The following RPGRIP1 variants were observed in gnomAD, a reference collection of about 807,000 sequenced individuals.
RPGRIP1 encodes the protein X-linked retinitis pigmentosa GTPase regulator-interacting protein 1.
In RPGRIP1, 128 loss-of-function variants were observed where a neutral mutation model predicts 157.9. That is an observed-to-expected ratio of 0.81 (90% CI 0.70 to 0.94). RPGRIP1 has a LOEUF of 0.94. Among genes scored for constraint, RPGRIP1 ranks in the 40% least tolerant of loss-of-function variants. The pLI, the probability that RPGRIP1 is intolerant of heterozygous loss-of-function variation, is 0.00. For missense variants in RPGRIP1, 1,486 were observed against 1,545.8 expected (o/e 0.96, Z 0.65); for synonymous variants, 554 against 571.6 (o/e 0.97, Z 0.44).
At chr14:21,345,263 TGGTTTTGTG>T in intron 23 of RPGRIP1, 66 bp downstream of exon 23, 1 of 1,191,050 alleles carries the variant, frequency 8.4e-7, no homozygotes, top group Non-Finnish European at 1.2e-6. Flanking sequence ...AGTTTGAGTT[TGGTTTTGTG>T]CTGATGCTGA....
At position 21,321,409 on chromosome 14, in the gene RPGRIP1, G is replaced by A; in HGVS notation, c.1611+7G>A. 1 of 1,607,828 alleles carries A rather than the reference G, an allele frequency of 6.2e-7. No individual in the cohort carries two copies. The highest frequency in any genetic ancestry group is 8.5e-7 in the Non-Finnish European group (1 of 1,177,294). On this transcript the variant is annotated splice_region_variant and intron_variant, in intron 13 of 24. Transcript: ENST00000400017. ...AATCAACGTGTGTTATCAGGTGCAAGGAAAGATGGTACAGGAAGGGGATGG... is the reference window on the plus strand; with the variant it reads ...AATCAACGTGTGTTATCAGGTGCAAAGAAAGATGGTACAGGAAGGGGATGG...
intron 21 of RPGRIP1, among the ~76,000 whole-genome samples, chr14:21,340,067 A>G (rs1884831486): frequency 6.6e-6 from 1 of 152,226 alleles, no homozygotes; most frequent in African/African-American, 2.4e-5. Flanking sequence ...CGAGAAGGGA[A>G]GAGCTACCCA....
intron 21 of RPGRIP1, among the ~76,000 whole-genome samples, chr14:21,337,258 T>C (rs1463983285): frequency 6.6e-6 from 1 of 152,170 alleles, no homozygotes; most frequent in Non-Finnish European, 1.5e-5. Context: ...CTATTAGGCC[T>C]TGTCTCCTTA....
chr14:21,307,679 T>C, intron 6 of RPGRIP1, 52 bp from the exon 7 acceptor site: 2 of 1,172,188 alleles, frequency 1.7e-6, no homozygotes, highest in Non-Finnish European at 2.5e-6. Flanking sequence ...GGAGAAAATG[T>C]CTTTAATTCT....
In RPGRIP1 at chr14:21,324,978, C is replaced by T. The variant is rs1413131336; in HGVS notation, c.2123C>T (p.Ala708Val). 6.2e-7 allele frequency: 1 copy of T among 1,613,878 alleles called. No homozygotes were observed. The part of the protein sequence containing the change: ...SARLDIHQAM[A>V]SEHSTLAAGW... ...CGGCTTGACATACACCAGGCCATGG[C>T]CAGTGAACACAGCACTCTTGCTGCA... The change falls in exon 15 of 25, where the codon GCC (alanine) becomes GTC (valine). Residue 708 changes from alanine (A) to valine (V), a missense_variant. Ala to Val is a moderately conservative substitution (Grantham distance 64). Coordinates refer to ENST00000400017, the MANE Select transcript of RPGRIP1 (RefSeq NM_020366.4).
intron 2 of RPGRIP1, among the ~76,000 whole-genome samples, chr14:21,292,306 G>C (rs1307226553): frequency 6.7e-6 from 1 of 148,524 alleles, no homozygotes; most frequent in Non-Finnish European, 1.5e-5. Flanking sequence ...CAGGTTCTTT[G>C]GTTGGGAAGT....
intron 10 of RPGRIP1, among the ~76,000 whole-genome samples, chr14:21,315,524 A>G (rs567425943): frequency 3.1e-4 from 35 of 113,224 alleles, no homozygotes; most frequent in African/African-American, 1.2e-3. Context: ...AAAAAAACAA[A>G]AAACTTAAAA....
rs114643757 is a variant in RPGRIP1, at chr14:21,283,838, C to G, written c.-39+3679C>G. Among the ~76,000 whole-genome samples, 614 of 150,842 alleles carry G rather than the reference C, an allele frequency of 4.1e-3. 3 individuals are homozygous for G. The highest frequency in any genetic ancestry group is 0.014 in the African/African-American group (596 of 41,156). Reference sequence around the variant, plus strand: ...TGCCCAGCTAACTTTTGTCATGTGGCTGGGCTAGTCTCGAACTCCTGGCCG... The same window carrying G: ...TGCCCAGCTAACTTTTGTCATGTGGGTGGGCTAGTCTCGAACTCCTGGCCG... On this transcript the variant is annotated intron_variant, in intron 1 of 24. Transcript: ENST00000400017.
intron 3 of RPGRIP1, 149 bp from the exon 4 acceptor site, chr14:21,300,817 G>T: frequency 1.1e-6 from 1 of 887,216 alleles, no homozygotes; most frequent in Non-Finnish European, 1.7e-6. Flanking sequence ...GTGTACTGGG[G>T]ACAGAAGGCT....
At chr14:21,286,689 G>T (rs528539152) in intron 1 of RPGRIP1, among the ~76,000 whole-genome samples, 1 of 152,048 alleles carries the variant, frequency 6.6e-6, no homozygotes, top group South Asian at 2.1e-4. Flanking sequence ...CAGCTACTTG[G>T]GAGGCTGAGG....
intron 21 of RPGRIP1, among the ~76,000 whole-genome samples, chr14:21,340,731 T>G (rs1345535861): frequency 6.6e-6 from 1 of 152,170 alleles, no homozygotes; most frequent in Non-Finnish European, 1.5e-5. Context: ...ACATTTTTTA[T>G]AGCAATCACT....
In RPGRIP1 at chr14:21,343,866, GTTTTTTTTTTTTTTTTTTTTTTTTTT is replaced by G. The variant is rs67535379; in HGVS notation, c.3532+654_3532+679del. ...TGATTTTTGTTCTTCCTCTTTTCCT[GTTTTTTTTTTTTTTTTTTTTTTTTTT>G]TTTTTTTTTTTTTTTGAGATGGAGT... On this transcript the variant is annotated intron_variant, in intron 22 of 24. Transcript: ENST00000400017. Among the ~76,000 whole-genome samples, 25 of 50,434 alleles carry G rather than the reference GTTTTTTTTTTTTTTTTTTTTTTTTTT, an allele frequency of 5.0e-4. 1 individual carries two copies. Among genetic ancestry groups the G allele is most frequent in the East Asian group, 3.2e-3 (2 of 622 alleles). 33.1% of individuals were successfully genotyped at this position (50,434 alleles called of 152,430 possible). A position where few individuals can be genotyped will look rare whatever the true frequency, so the allele number is the denominator to read the frequency against.
In RPGRIP1 at chr14:21,312,476, T is replaced by A; in HGVS notation, c.1121T>A (p.Leu374Gln). Residue 374 changes from leucine to glutamine, a missense_variant, in exon 10 of 25, where the codon CTG becomes CAG. Transcript: ENST00000400017. ...VEDLEKERKL[L>Q]NDNYDKLLES... is the part of the protein sequence containing the mutation. ...GATTTGGAAAAAGAACGAAAATTGC[T>A]GAATGACAATTATGACAAACTCTTA... 6.2e-7 allele frequency: 1 copy of A among 1,611,906 alleles called. No homozygotes were observed. The highest frequency in any genetic ancestry group is 8.5e-7 in the Non-Finnish European group (1 of 1,178,616).
intron 23 of RPGRIP1, 86 bp downstream of exon 23, chr14:21,345,283 A>G: frequency 1.2e-6 from 1 of 854,826 alleles, no homozygotes; most frequent in Non-Finnish European, 1.9e-6. Flanking sequence ...CTGATGCTGA[A>G]TATTTTAATA....
chr14:21,291,873 C>A (rs1463194342), intron 2 of RPGRIP1, among the ~76,000 whole-genome samples: 4 of 152,140 alleles, frequency 2.6e-5, no homozygotes, highest in South Asian at 2.1e-4. Flanking sequence ...AATTCTCCTG[C>A]CTCAGCCTCC....
At chr14:21,281,704 A>AAAAT (rs368706187) in intron 1 of RPGRIP1, among the ~76,000 whole-genome samples, 13 of 133,970 alleles carry the variant, frequency 9.7e-5, no homozygotes, top group African/African-American at 3.8e-4. Context: ...AAAAAAAAAT[A>AAAAT]AATAATAATA....
chr14:21,325,193 A>C, intron 15 of RPGRIP1, 39 bp from the exon 16 acceptor site: 1 of 1,568,880 alleles, frequency 6.4e-7, no homozygotes, highest in Non-Finnish European at 8.6e-7. Context: ...TTGCCACACC[A>C]TCTGTATTCC....
intron 21 of RPGRIP1, among the ~76,000 whole-genome samples, chr14:21,340,677 C>T (rs1374992911): frequency 6.6e-6 from 1 of 152,062 alleles, no homozygotes; most frequent in African/African-American, 2.4e-5. Flanking sequence ...TACAGATTCC[C>T]AGGAGCCACT....
intron 22 of RPGRIP1, 101 bp from the exon 23 acceptor site, chr14:21,345,012 T>C: frequency 1.3e-6 from 1 of 774,338 alleles, no homozygotes; most frequent in South Asian, 1.5e-5. Flanking sequence ...AGGAGTCTAA[T>C]CTTTTTATGA....
Sources: gnomAD v4.1 joint callset for allele counts (sites outside exome capture counted in the v4.1 genomes callset) on GRCh38, gnomAD v4.1.1 for gene constraint, MANE v1.5 for transcripts, NCBI Gene and HGNC (gene_info 2026-07-23, HGNC 2026-07-21) for gene names.